Variants in VAPA observed in about 807,000 individuals in gnomAD.
VAPA encodes the protein VAMP associated protein A.
VAPA carries 6 observed loss-of-function variants against 25.6 expected under a neutral mutation model. The observed-to-expected ratio is 0.23, with a 90% CI of 0.13 to 0.46. The LOEUF (loss-of-function observed/expected upper bound fraction) is 0.46, where lower values mean the gene tolerates loss of function less well. Ranked by LOEUF, VAPA falls within the 20% of genes least tolerant of loss-of-function variation. VAPA has a pLI of 0.99. For synonymous variants in VAPA, 112 were observed against 106.2 expected (o/e 1.05, Z -0.34); for missense variants, 244 against 302.1 (o/e 0.81, Z 1.43).
chr18:9,941,565 A>G (rs2069366611), intron 4 of VAPA, among the ~76,000 whole-genome samples: 1 of 152,168 alleles, frequency 6.6e-6, no homozygotes. Flanking sequence ...TGCTGTTTCT[A>G]GGTCAATATT....
Position 9,941,809 on chromosome 18 carries a change from A to G in VAPA, c.417+4743A>G, listed in dbSNP as rs561089010. Among the ~76,000 whole-genome samples, 29 of 152,344 alleles carry G rather than the reference A, an allele frequency of 1.9e-4. No individual in the cohort carries two copies. The East Asian group carries it at 4.6e-3, about 24-fold the overall frequency. On this transcript the variant is annotated intron_variant, in intron 4 of 5. Transcript: ENST00000400000. ...TGTATGATGCTGAATCCTGACTTACACAGTTGCTGAAATGACACTCCCTTA... is the reference window on the plus strand; with the variant it reads ...TGTATGATGCTGAATCCTGACTTACGCAGTTGCTGAAATGACACTCCCTTA...
At chr18:9,948,639 T>A (rs2069452740) in intron 4 of VAPA, 1 of 152,216 alleles carries the variant, frequency 6.6e-6, no homozygotes, top group African/African-American at 2.4e-5. Flanking sequence ...CACGATCTCG[T>A]CTCATTGCAA....
rs928274255 is a variant in VAPA at position 9,959,380 on chromosome 18, C to T, written c.*5169C>T. The T allele has an allele frequency of 1.3e-5, 2 of 152,092 alleles. No homozygotes were observed. The highest frequency in any genetic ancestry group is 1.5e-5 in the Non-Finnish European group (1 of 68,014). 9.4% of individuals were successfully genotyped at this position (152,092 alleles called of 1,614,324 possible). A position where few individuals can be genotyped will look rare whatever the true frequency, so the allele number is the denominator to read the frequency against. On this transcript the variant is annotated 3_prime_UTR_variant, in exon 6 of 6. Coordinates refer to ENST00000400000, the MANE Select transcript of VAPA (RefSeq NM_194434.3). Reference sequence around the variant, plus strand: ...CCAGAAAATTGAGAAGAAGTAAACTCCTGCCCACTAACAATCTCAGTCCGT... The same window carrying T: ...CCAGAAAATTGAGAAGAAGTAAACTTCTGCCCACTAACAATCTCAGTCCGT...
At chr18:9,923,911 A>T (rs2069177923) in intron 1 of VAPA, 1 of 167,938 alleles carries the variant, frequency 6.0e-6, no homozygotes, top group Non-Finnish European at 1.2e-5. Flanking sequence ...TATAGATATT[A>T]TAAAGCTGTC....
rs29093 is a variant in VAPA at position 9,957,740 on chromosome 18, G to T, written c.*3529G>T. The stretch of plus-strand genomic sequence containing the variant: ...AATACAAAAAAAATTTCAACAGATT[G>T]TGTGGTTTGTGCATTTATATCCTGT... On this transcript the variant is annotated 3_prime_UTR_variant, in exon 6 of 6. Transcript: ENST00000400000. 6 of 152,218 alleles carry T rather than the reference G, an allele frequency of 3.9e-5. No homozygotes were observed. Among genetic ancestry groups the T allele is most frequent in the Admixed American group, 2.0e-4 (3 of 15,284 alleles). The allele number at this position is 152,218 out of a possible 1,614,324, so 9.4% of individuals were successfully genotyped here. A position where few individuals can be genotyped will look rare whatever the true frequency, so the allele number is the denominator to read the frequency against.
At chr18:9,946,964 T>G (rs1213930137) in intron 4 of VAPA, among the ~76,000 whole-genome samples, 1 of 152,200 alleles carries the variant, frequency 6.6e-6, no homozygotes, top group East Asian at 1.9e-4. Context: ...AAACTTCTTT[T>G]CTTAAGACTA....
intron 4 of VAPA, among the ~76,000 whole-genome samples, chr18:9,946,435 C>T (rs561054728): frequency 5.3e-5 from 8 of 151,694 alleles, no homozygotes; most frequent in African/African-American, 1.7e-4. Flanking sequence ...ACCTCAAATT[C>T]GTAAACTTTC....
Position 9,955,515 on chromosome 18 carries a change from A to ATC in VAPA, c.*1306_*1307dup, listed in dbSNP as rs1433305537. The stretch of plus-strand genomic sequence containing the variant: ...TAGATCCAGTGTTTAGCTACATACA[A>ATC]TCTAGTACAAGTGAATTTTTATTCT... On this transcript the variant is annotated 3_prime_UTR_variant, in exon 6 of 6. Coordinates refer to ENST00000400000, the MANE Select transcript of VAPA (RefSeq NM_194434.3). 2 of 152,226 alleles carry ATC rather than the reference A, an allele frequency of 1.3e-5. No individual in the cohort carries two copies. Among genetic ancestry groups the ATC allele is most frequent in the Non-Finnish European group, 2.9e-5 (2 of 68,022 alleles). 9.4% of individuals were successfully genotyped at this position (152,226 alleles called of 1,614,324 possible).
At chr18:9,918,139 C>T (rs1357139450) in intron 1 of VAPA, among the ~76,000 whole-genome samples, 2 of 152,132 alleles carry the variant, frequency 1.3e-5, no homozygotes, top group African/African-American at 4.8e-5. Context: ...CTTTGTTCCT[C>T]TATTTTTGCT....
rs1244276233 is a variant in VAPA, at chr18:9,958,825, T to C, written c.*4614T>C. On this transcript the variant is annotated 3_prime_UTR_variant, in exon 6 of 6. Transcript: ENST00000400000. ...ATTGCTGGAATACCACTAAAGATTTTTGACTTGTGAATAAATGAGCTGTCA... is the reference window on the plus strand; with the variant it reads ...ATTGCTGGAATACCACTAAAGATTTCTGACTTGTGAATAAATGAGCTGTCA... The C allele has an allele frequency of 6.6e-6, 1 of 152,250 alleles. No homozygotes were observed. The highest frequency in any genetic ancestry group is 2.4e-5 in the African/African-American group (1 of 41,470). The allele number at this position is 152,250 out of a possible 1,614,324, so 9.4% of individuals were successfully genotyped here. A position where few individuals can be genotyped will look rare whatever the true frequency, so the allele number is the denominator to read the frequency against.
intron 1 of VAPA, among the ~76,000 whole-genome samples, chr18:9,924,220 T>C (rs2069181365): frequency 6.6e-6 from 1 of 152,116 alleles, no homozygotes; most frequent in Non-Finnish European, 1.5e-5. Context: ...TCTCTGAAAA[T>C]GTACCTTCTT....
chr18:9,918,457 A>G lies in VAPA; in HGVS notation c.79+4122A>G, dbSNP rs962351169. Among the ~76,000 whole-genome samples the G allele has an allele frequency of 7.2e-5, 11 of 152,170 alleles. No homozygotes were observed. In the East Asian group the frequency reaches 1.9e-3, roughly 27 times the overall value. Reference sequence around the variant, plus strand: ...TCCTCTCACTACTTATTGCTAACTTAATCATTTCCAGTTTTTATCTTACTT... The same window carrying G: ...TCCTCTCACTACTTATTGCTAACTTGATCATTTCCAGTTTTTATCTTACTT... On this transcript the variant is annotated intron_variant, in intron 1 of 5. Coordinates refer to ENST00000400000, the MANE Select transcript of VAPA (RefSeq NM_194434.3).
At chr18:9,947,887 C>T (rs944845911) in intron 4 of VAPA, 1 of 152,122 alleles carries the variant, frequency 6.6e-6, no homozygotes, top group Non-Finnish European at 1.5e-5. Flanking sequence ...CACTTCCCCC[C>T]ATTACATATA....
intron 1 of VAPA, among the ~76,000 whole-genome samples, chr18:9,917,124 A>T (rs2069118319): frequency 6.6e-6 from 1 of 152,228 alleles, no homozygotes; most frequent in Non-Finnish European, 1.5e-5. Context: ...AAAGAAAAAG[A>T]AGTAGACGCT....
chr18:9,922,536 A>G (rs1281650538), intron 1 of VAPA, among the ~76,000 whole-genome samples: 1 of 152,150 alleles, frequency 6.6e-6, no homozygotes, highest in Non-Finnish European at 1.5e-5. Flanking sequence ...GAGGCTGTTT[A>G]TAATCTAGAT....
At chr18:9,934,956 A>G (rs1056940584) in intron 2 of VAPA, among the ~76,000 whole-genome samples, 24 of 151,968 alleles carry the variant, frequency 1.6e-4, no homozygotes, top group Admixed American at 1.3e-3. Context: ...TTAGCCGGGC[A>G]TGGTGGCAGG....
chr18:9,922,267 GC>G (rs1347036720), intron 1 of VAPA, among the ~76,000 whole-genome samples: 1 of 152,058 alleles, frequency 6.6e-6, no homozygotes, highest in African/African-American at 2.4e-5. Context: ...ACCATACCTG[GC>G]CTGCCTCAGT....
At chr18:9,953,717 A>G (rs189001830) in intron 5 of VAPA, among the ~76,000 whole-genome samples, 4 of 152,360 alleles carry the variant, frequency 2.6e-5, no homozygotes, top group East Asian at 3.9e-4. Flanking sequence ...AAAGGTAAAT[A>G]TAGCCTATCT....
rs1027456336 is a variant in VAPA, at chr18:9,957,060, C to T, written c.*2849C>T. The T allele has an allele frequency of 2.6e-5, 4 of 151,120 alleles. No individual in the cohort carries two copies. Among genetic ancestry groups the T allele is most frequent in the African/African-American group, 4.9e-5 (2 of 41,120 alleles). 9.4% of individuals were successfully genotyped at this position (151,120 alleles called of 1,614,324 possible). On this transcript the variant is annotated 3_prime_UTR_variant, in exon 6 of 6. Transcript: ENST00000400000. ...TTTCTTTTTTTTTTTGAGACAGAGT[C>T]TTGCTTTGTTGCCCAGGCTGGAGGG... is the stretch of plus-strand genomic sequence containing the variant.
Sources: allele counts gnomAD v4.1 joint callset (sites outside exome capture counted in the v4.1 genomes callset), GRCh38; gene constraint gnomAD v4.1.1; transcripts MANE v1.5; gene names NCBI Gene and HGNC (gene_info 2026-07-23, HGNC 2026-07-21).